The following EML1 variants were observed in gnomAD, a reference collection of about 807,000 sequenced individuals.
EML1 encodes the protein echinoderm microtubule-associated protein-like 1.
Under a neutral mutation model 110.4 loss-of-function variants are expected in EML1, and 27 were observed. The ratio of observed to expected loss-of-function variants is 0.24; its 90% CI spans 0.18 to 0.34. EML1 has a LOEUF of 0.34. EML1 is among the 10% of genes least tolerant of loss of function. The probability of loss-of-function intolerance (pLI) is 1.00; values close to 1 mark genes in which losing one functional copy is unlikely to be tolerated. For synonymous variants in EML1, 344 were observed against 385.8 expected, an observed-to-expected ratio of 0.89 and a Z score of 1.27; for missense variants, 741 against 1,030.9, an observed-to-expected ratio of 0.72 and a Z score of 3.85.
chr14:99,794,688 C>T (rs539706101), intron 1 of EML1, among the ~76,000 whole-genome samples: 1 of 152,188 alleles, frequency 6.6e-6, no homozygotes, highest in South Asian at 2.1e-4. Flanking sequence ...ACATCTGAAC[C>T]ATTTGTGGGC....
intron 3 of EML1, among the ~76,000 whole-genome samples, chr14:99,870,043 G>A (rs996294266): frequency 5.9e-5 from 9 of 152,186 alleles, no homozygotes; most frequent in Admixed American, 3.3e-4. Flanking sequence ...GACTCATGCA[G>A]GCCTGTTGTT....
intron 1 of EML1, among the ~76,000 whole-genome samples, chr14:99,762,240 TTCA>T (rs1435452737): frequency 4.6e-5 from 7 of 152,184 alleles, no homozygotes; most frequent in African/African-American, 9.7e-5. Flanking sequence ...TAGTGTTTTT[TTCA>T]TAAACTTCAA....
intron 1 of EML1, among the ~76,000 whole-genome samples, chr14:99,754,674 C>A (rs1243877699): frequency 6.6e-6 from 1 of 152,192 alleles, no homozygotes; most frequent in African/African-American, 2.4e-5. Context: ...AGCTTGGCAC[C>A]CCGGCACAGG....
intron 3 of EML1, among the ~76,000 whole-genome samples, chr14:99,867,457 A>G (rs1353196945): frequency 6.6e-6 from 1 of 152,254 alleles, no homozygotes; most frequent in East Asian, 1.9e-4. Flanking sequence ...CTTCCAATCC[A>G]TAAACATAGG....
At chr14:99,896,784 T>G (rs2059678065) in intron 6 of EML1, among the ~76,000 whole-genome samples, 1 of 151,988 alleles carries the variant, frequency 6.6e-6, no homozygotes, top group Non-Finnish European at 1.5e-5. Flanking sequence ...TGCATGTGTG[T>G]GTGTCATTTG....
chr14:99,820,209 A>G (rs1178543367), intron 1 of EML1, among the ~76,000 whole-genome samples: 1 of 152,234 alleles, frequency 6.6e-6, no homozygotes, highest in African/African-American at 2.4e-5. Context: ...TTTTAGCTCT[A>G]CCTATACATG....
At chr14:99,796,514 C>A (rs1725054627) in intron 1 of EML1, among the ~76,000 whole-genome samples, 1 of 143,904 alleles carries the variant, frequency 6.9e-6, no homozygotes, top group Non-Finnish European at 1.5e-5. Flanking sequence ...TTTCTTTGAG[C>A]CACACCTTGC....
At chr14:99,887,511 C>A (rs549974166) in intron 4 of EML1, among the ~76,000 whole-genome samples, 1 of 147,634 alleles carries the variant, frequency 6.8e-6, no homozygotes, top group East Asian at 2.0e-4. Flanking sequence ...CTTCACCCTT[C>A]CTAGGACAGG....
intron 2 of EML1, among the ~76,000 whole-genome samples, chr14:99,857,260 G>A (rs1595387496): frequency 6.6e-6 from 1 of 151,162 alleles, no homozygotes; most frequent in Non-Finnish European, 1.5e-5. Flanking sequence ...AACAGGGCAA[G>A]ACTCTGTCTC....
chr14:99,833,453 G>A (rs2058492865), intron 1 of EML1, among the ~76,000 whole-genome samples: 1 of 152,154 alleles, frequency 6.6e-6, no homozygotes, highest in Non-Finnish European at 1.5e-5. Context: ...CAAAGTTGTG[G>A]CTAGTCTAGG....
chr14:99,760,240 G>A (rs1299477123), intron 1 of EML1, among the ~76,000 whole-genome samples: 1 of 151,940 alleles, frequency 6.6e-6, no homozygotes, highest in Non-Finnish European at 1.5e-5. Flanking sequence ...ATCAGCTGTC[G>A]TCCCTTCTCC....
chr14:99,938,476 G>A (rs1267012353), intron 20 of EML1, among the ~76,000 whole-genome samples: 2 of 152,194 alleles, frequency 1.3e-5, no homozygotes, highest in Non-Finnish European at 1.5e-5. Flanking sequence ...GCTCCCAGTC[G>A]AAAACCCAAC....
rs187694360 is a variant in EML1, at chr14:99,913,710, A to G, written c.1495-469A>G. On this transcript the variant is annotated intron_variant, in intron 13 of 21. Coordinates refer to ENST00000262233, the MANE Select transcript of EML1 (RefSeq NM_004434.3). ...TGGCTGTGGTATCTGTTTTTTTGAGATGGAGTTTCACTCTTGTCACCCAGG... is the reference window on the plus strand; with the variant it reads ...TGGCTGTGGTATCTGTTTTTTTGAGGTGGAGTTTCACTCTTGTCACCCAGG... Among the ~76,000 whole-genome samples the G allele has an allele frequency of 4.1e-3, 621 of 151,752 alleles. 1 individual carries two copies. Among genetic ancestry groups the G allele is most frequent in the African/African-American group, 0.014 (583 of 41,372 alleles).
chr14:99,851,972 G>T (rs759083830), intron 2 of EML1, among the ~76,000 whole-genome samples: 8 of 152,156 alleles, frequency 5.3e-5, no homozygotes, highest in Non-Finnish European at 1.2e-4. Flanking sequence ...CTGCTACAGA[G>T]CTCTGTCCCT....
At chr14:99,886,786 C>T (rs2059483409) in intron 4 of EML1, among the ~76,000 whole-genome samples, 1 of 152,162 alleles carries the variant, frequency 6.6e-6, no homozygotes, top group South Asian at 2.1e-4. Context: ...AGAGCAGATC[C>T]CCGCTCTGAG....
rs148296351 is a variant in EML1 at position 99,827,090 on chromosome 14, G to T, written c.68-23763G>T. Among the ~76,000 whole-genome samples, 1 of 152,192 alleles carries T rather than the reference G, an allele frequency of 6.6e-6. No homozygotes were observed. The highest frequency in any genetic ancestry group is 2.4e-5 in the African/African-American group (1 of 41,444). ...CAGTCACTGACTGTAAATACGCTGG[G>T]GGGTATTTACATGTAGAGGGGGATG... is the stretch of plus-strand genomic sequence containing the variant. On this transcript the variant is annotated intron_variant, in intron 1 of 21. Coordinates refer to ENST00000262233, the MANE Select transcript of EML1 (RefSeq NM_004434.3). This position sits in a 1 kb window ranked among gnomAD's most constrained non-coding sequence, Gnocchi z 4.4.
intron 4 of EML1, among the ~76,000 whole-genome samples, chr14:99,882,813 C>T (rs1416142190): frequency 1.4e-5 from 2 of 148,112 alleles, no homozygotes; most frequent in Admixed American, 6.7e-5. Flanking sequence ...TCTTTGGAGT[C>T]AACAAACATG....
intron 2 of EML1, among the ~76,000 whole-genome samples, chr14:99,856,850 G>A (rs2058910843): frequency 6.6e-6 from 1 of 152,190 alleles, no homozygotes; most frequent in Admixed American, 6.5e-5. Flanking sequence ...TATGTGGTCA[G>A]TTTTCATTAT....
chr14:99,845,984 C>T (rs1370575453), intron 1 of EML1, among the ~76,000 whole-genome samples: 4 of 145,182 alleles, frequency 2.8e-5, no homozygotes, highest in South Asian at 2.2e-4. Flanking sequence ...CAGGAGGCGG[C>T]GGTTGCAGTG....
Sources: gnomAD v4.1 joint callset for allele counts (sites outside exome capture counted in the v4.1 genomes callset) on GRCh38, gnomAD v4.1.1 for gene constraint, Gnocchi (gnomAD v3.1) non-coding constraint, MANE v1.5 for transcripts, NCBI Gene and HGNC (gene_info 2026-07-23, HGNC 2026-07-21) for gene names.